The following IFT88 variants were observed in gnomAD, a reference collection of about 807,000 sequenced individuals.
IFT88 encodes intraflagellar transport protein 88 homolog.
In IFT88, 74 loss-of-function variants were observed where a neutral mutation model predicts 119.5. That is an observed-to-expected ratio of 0.62 (90% confidence interval 0.51 to 0.75). The LOEUF (loss-of-function observed/expected upper bound fraction) is 0.75. Ranked by LOEUF, IFT88 falls within the 30% of genes least tolerant of loss-of-function variation. The probability of loss-of-function intolerance (pLI) is 0.00; values close to 1 mark genes in which losing one functional copy is unlikely to be tolerated. For synonymous variants in IFT88, 279 were observed against 316.7 expected (o/e 0.88, Z 1.26); for missense variants, 961 against 977.7 (o/e 0.98, Z 0.23).
chr13:20,648,405 A>G (rs1017672399), intron 20 of IFT88, among the ~76,000 whole-genome samples: 4 of 152,202 alleles, frequency 2.6e-5, no homozygotes, highest in African/African-American at 9.6e-5. Flanking sequence ...CAATAAGTAA[A>G]TAAATAAATA....
At chr13:20,581,861 A>G (rs2038742709) in intron 2 of IFT88, among the ~76,000 whole-genome samples, 1 of 152,038 alleles carries the variant, frequency 6.6e-6, no homozygotes, top group Admixed American at 6.6e-5. Context: ...TCAAAAAAAA[A>G]AAAAAAAAAG....
intron 17 of IFT88, among the ~76,000 whole-genome samples, chr13:20,640,263 A>C (rs985496066): frequency 6.6e-6 from 1 of 151,810 alleles, no homozygotes; most frequent in Non-Finnish European, 1.5e-5. Context: ...TTTTTATGAA[A>C]TAAGAATCTA....
intron 17 of IFT88, 110 bp from the exon 18 acceptor site, chr13:20,641,180 C>T (rs1320047580): frequency 1.8e-5 from 12 of 681,230 alleles, no homozygotes; most frequent in Admixed American, 6.0e-5. Flanking sequence ...TCTTCATTTT[C>T]TCTTCTGGAT....
At chr13:20,672,789 ATCAAG>A (rs947174673) in intron 24 of IFT88, among the ~76,000 whole-genome samples, 1 of 152,228 alleles carries the variant, frequency 6.6e-6, no homozygotes, top group African/African-American at 2.4e-5. Flanking sequence ...ATAGCCTCAA[ATCAAG>A]TCAAGTTCTA....
intron 1 of IFT88, among the ~76,000 whole-genome samples, chr13:20,570,222 A>T (rs772424467): frequency 1.2e-4 from 18 of 152,230 alleles, no homozygotes; most frequent in Non-Finnish European, 2.5e-4. Context: ...AGGAACAGTA[A>T]CAGATGTTGG....
At chr13:20,629,693 C>T (rs192601035) in intron 15 of IFT88, among the ~76,000 whole-genome samples, 1 of 152,332 alleles carries the variant, frequency 6.6e-6, no homozygotes, top group East Asian at 1.9e-4. Flanking sequence ...AGGTCAAACA[C>T]TGCACAGCCC....
At chr13:20,651,291 C>G (rs1408576982) in intron 20 of IFT88, among the ~76,000 whole-genome samples, 1 of 151,442 alleles carries the variant, frequency 6.6e-6, no homozygotes, top group Non-Finnish European at 1.5e-5. Flanking sequence ...TTAAGTCTTC[C>G]AATTCAAGCA....
In IFT88 at chr13:20,641,383, A is replaced by G. The variant is rs749566598; in HGVS notation, c.1667A>G (p.Tyr556Cys). The part of the protein sequence containing the change: ...AILRNSAEVL[Y>C]QIANIYELME... ...CTACGAAACAGTGCCGAAGTTCTTT[A>G]CCAGATAGCAAATATGTATCTTATT... The change falls in exon 18 of 26, where the codon TAC becomes TGC. Residue 556 changes from tyrosine (Y) to cysteine (C), a missense_variant. Physicochemically the swap from Tyr to Cys is radical, Grantham distance 194. Transcript: ENST00000351808. 20 of 1,606,226 alleles carry G rather than the reference A, an allele frequency of 1.2e-5. No individual in the cohort carries two copies. The highest frequency in any genetic ancestry group is 1.6e-5 in the Non-Finnish European group (19 of 1,173,672).
At chr13:20,590,833 C>G in intron 4 of IFT88, 134 bp from the exon 5 acceptor site, 1 of 610,964 alleles carries the variant, frequency 1.6e-6, no homozygotes, top group Non-Finnish European at 2.9e-6. Context: ...TTACCCTATA[C>G]GCCCAGGAGG....
rs183898152 is a variant in IFT88 at position 20,673,027 on chromosome 13, G to A, written c.2242+1988G>A. ...CTTGCTCCTAGGAAGCAGGAAGTAC[G>A]TGATATCAGCTCTCTTGGAAATAAC... On this transcript the variant is annotated intron_variant, in intron 24 of 25. Transcript: ENST00000351808. 5.6e-4 allele frequency among the ~76,000 whole-genome samples: 85 copies of A among 152,310 alleles called. No homozygotes were observed. In the Middle Eastern group the frequency reaches 0.01, roughly 18 times the overall value.
intron 22 of IFT88, among the ~76,000 whole-genome samples, chr13:20,659,263 G>A (rs562021271): frequency 5.0e-4 from 76 of 152,302 alleles, no homozygotes; most frequent in African/African-American, 1.8e-3. Context: ...GGACACCAAG[G>A]CCGGAGGATT....
intron 6 of IFT88, 58 bp from the exon 7 acceptor site, chr13:20,592,277 A>G (rs183763430): frequency 4.5e-5 from 57 of 1,270,644 alleles, no homozygotes; most frequent in Non-Finnish European, 6.1e-5. Context: ...ATATTTTCAT[A>G]TATTCTTCGA....
chr13:20,582,871 T>G, intron 2 of IFT88, 86 bp from the exon 3 acceptor site: 1 of 979,800 alleles, frequency 1.0e-6, no homozygotes, highest in South Asian at 1.4e-5. Context: ...TTATAGAGGC[T>G]CTTGAGTACC....
chr13:20,591,163 G>T, intron 5 of IFT88, 143 bp downstream of exon 5: 1 of 640,546 alleles, frequency 1.6e-6, no homozygotes, highest in South Asian at 2.0e-5. Flanking sequence ...TAAATTGTGG[G>T]CTAAAGTCTA....
intron 16 of IFT88, among the ~76,000 whole-genome samples, chr13:20,637,437 C>G (rs9579911): frequency 0.052 from 7,984 of 152,218 alleles, 318 homozygotes; most frequent in Non-Finnish European, 0.077. Context: ...GAGTAACCAT[C>G]AGTCAGTGAG....
chr13:20,572,226 CT>C (rs1029850243), intron 1 of IFT88, among the ~76,000 whole-genome samples: 3 of 150,750 alleles, frequency 2.0e-5, no homozygotes, highest in South Asian at 2.1e-4. Context: ...ATCAAGCCAT[CT>C]TTTTTTTTAG....
chr13:20,634,214 C>T (rs1226341888), intron 16 of IFT88, among the ~76,000 whole-genome samples: 1 of 152,128 alleles, frequency 6.6e-6, no homozygotes, highest in Admixed American at 6.6e-5. Context: ...TTGAACAAAA[C>T]AAACATGAGA....
chr13:20,643,776 TAG>T (rs1382433744), intron 19 of IFT88, among the ~76,000 whole-genome samples, 171 bp downstream of exon 19: 1 of 152,226 alleles, frequency 6.6e-6, no homozygotes, highest in Non-Finnish European at 1.5e-5. Context: ...TGTTTTGAGA[TAG>T]AGTCTTGCTC....
intron 13 of IFT88, among the ~76,000 whole-genome samples, chr13:20,608,377 G>A (rs1302990591): frequency 6.6e-6 from 1 of 152,220 alleles, no homozygotes; most frequent in African/African-American, 2.4e-5. Flanking sequence ...ACAGACACTG[G>A]TGTCTCATGC....
Sources: gnomAD v4.1 joint callset for allele counts (sites outside exome capture counted in the v4.1 genomes callset) on GRCh38, gnomAD v4.1.1 for gene constraint, MANE v1.5 for transcripts, NCBI Gene and HGNC (gene_info 2026-07-23, HGNC 2026-07-21) for gene names.